Variants in NFS1 observed in about 807,000 individuals in gnomAD.
NFS1 encodes NFS1 cysteine desulfurase.
In NFS1, 26 loss-of-function variants were observed where a neutral mutation model predicts 57.3. The ratio of observed to expected loss-of-function variants is 0.45; its 90% CI spans 0.33 to 0.63. NFS1 has a LOEUF of 0.63. NFS1 is among the 20% of genes least tolerant of loss of function. The pLI is 0.02. For synonymous variants in NFS1, 209 were observed against 216.3 expected (o/e 0.97, Z 0.30); for missense variants, 505 against 605.8 (o/e 0.83, Z 1.75).
At chr20:35,675,240 GAA>G in intron 7 of NFS1, 38 bp from the exon 8 acceptor site, 1 of 1,545,720 alleles carries the variant, frequency 6.5e-7, no homozygotes, top group Non-Finnish European at 8.8e-7. Flanking sequence ...CAGAAAGAGA[GAA>G]AAGTAGATAA....
chr20:35,674,951 C>T (rs1337104655), intron 8 of NFS1, 94 bp downstream of exon 8: 3 of 1,536,042 alleles, frequency 2.0e-6, no homozygotes, highest in Non-Finnish European at 2.7e-6. Context: ...CCCTCTCTCC[C>T]TGCAGAGATC....
intron 5 of NFS1, among the ~76,000 whole-genome samples, chr20:35,687,029 G>C (rs1036723725): frequency 6.6e-6 from 1 of 152,222 alleles, no homozygotes; most frequent in African/African-American, 2.4e-5. Flanking sequence ...GGCCACCAGA[G>C]GGCTCCTTGG....
At chr20:35,671,262 G>C (rs1182995247) in intron 12 of NFS1, among the ~76,000 whole-genome samples, 1 of 152,116 alleles carries the variant, frequency 6.6e-6, no homozygotes, top group Non-Finnish European at 1.5e-5. Context: ...CACCATGCCA[G>C]GCTAATTTTT....
chr20:35,685,286 G>A (rs933365175), intron 5 of NFS1, among the ~76,000 whole-genome samples: 1 of 150,628 alleles, frequency 6.6e-6, no homozygotes, highest in African/African-American at 2.5e-5. Context: ...GGCTGAGGTG[G>A]GAGGATCATT....
chr20:35,676,863 CT>C lies in NFS1; in HGVS notation c.791-1662del, dbSNP rs1171229720. On this transcript the variant is annotated intron_variant, in intron 7 of 12. Coordinates refer to ENST00000374092, the MANE Select transcript of NFS1 (RefSeq NM_021100.5). ...GTGAGAGGCAGACTTTTGTCTGTGCCTTTTTTTTCCCTTTTTTTTTGAGACA... is the reference window on the plus strand; with the variant it reads ...GTGAGAGGCAGACTTTTGTCTGTGCCTTTTTTTCCCTTTTTTTTTGAGACA... Among the ~76,000 whole-genome samples, 6 of 149,664 alleles carry C rather than the reference CT, an allele frequency of 4.0e-5. No individual in the cohort carries two copies. In the East Asian group the frequency reaches 7.8e-4, roughly 20 times the overall value.
At chr20:35,693,318 G>T (rs1455784973) in intron 4 of NFS1, among the ~76,000 whole-genome samples, 1 of 151,866 alleles carries the variant, frequency 6.6e-6, no homozygotes, top group South Asian at 2.1e-4. Flanking sequence ...GGATGGTCTC[G>T]AACTCCTGAG....
At chr20:35,681,383 A>G (rs1439878701) in intron 6 of NFS1, among the ~76,000 whole-genome samples, 6 of 152,208 alleles carry the variant, frequency 3.9e-5, no homozygotes, top group Admixed American at 1.3e-4. Context: ...AGCAACTGCA[A>G]TAAAATTAAA....
At chr20:35,696,789 T>G (rs1223397702) in intron 3 of NFS1, among the ~76,000 whole-genome samples, 3 of 152,044 alleles carry the variant, frequency 2.0e-5, no homozygotes, top group Non-Finnish European at 4.4e-5. Flanking sequence ...GCCAACATGG[T>G]GAAACTCCAT....
chr20:35,682,314 T>G (rs907736736), intron 5 of NFS1, among the ~76,000 whole-genome samples: 2 of 152,220 alleles, frequency 1.3e-5, no homozygotes, highest in Admixed American at 1.3e-4. Flanking sequence ...TCACAAAACA[T>G]CTTACACAAA....
At chr20:35,673,270 A>C (rs2034686770) in intron 11 of NFS1, among the ~76,000 whole-genome samples, 1 of 151,166 alleles carries the variant, frequency 6.6e-6, no homozygotes, top group South Asian at 2.1e-4. Context: ...CCTGGGCGAC[A>C]GAGTAAGACT....
chr20:35,690,274 C>CTGCCAGGCTTATTTCTCTA, intron 5 of NFS1, 139 bp downstream of exon 5: 1 of 802,650 alleles, frequency 1.2e-6, no homozygotes, highest in South Asian at 1.7e-5. Flanking sequence ...ATCTCGTTCT[C>CTGCCAGGCTTATTTCTCTA]TGCCAGGCTT....
At chr20:35,676,758 G>GAAAAAAAAAAAAAAAAAAAAAAAAAAAA (rs746820595) in intron 7 of NFS1, among the ~76,000 whole-genome samples, 1 of 18,136 alleles carries the variant, frequency 5.5e-5, no homozygotes, top group Non-Finnish European at 9.2e-5. Context: ...GAGAAAATCA[G>GAAAAAAAAAAAAAAAAAAAAAAAAAAAA]AAAAAAAAAA....
Position 35,675,102 on chromosome 20 carries a change from G to A in NFS1, c.891C>T (p.Pro297=). 3.7e-6 allele frequency: 6 copies of A among 1,614,046 alleles called. No homozygotes were observed. Among genetic ancestry groups the A allele is most frequent in the African/African-American group, 1.3e-5 (1 of 75,034 alleles). ...QERGMRSGTV[P]TPLVVGLGAA... Reference sequence around the variant, plus strand: ...CCCCCAGCCCCACCACTAAGGGTGTGGGCACTGTCCCAGACCGCATACCCC... The same window carrying A: ...CCCCCAGCCCCACCACTAAGGGTGTAGGCACTGTCCCAGACCGCATACCCC... Residue 297 remains proline (P), a synonymous_variant, in exon 8 of 13, where the codon CCC becomes CCT. Transcript: ENST00000374092.
At chr20:35,698,431 G>A (rs2035179005) in intron 2 of NFS1, 50 bp downstream of exon 2, 2 of 1,305,976 alleles carry the variant, frequency 1.5e-6, no homozygotes, top group Non-Finnish European at 2.2e-6. Context: ...GCGTGATCAC[G>A]CCCATCATTT....
At chr20:35,687,635 GTCTTT>G (rs1039363510) in intron 5 of NFS1, among the ~76,000 whole-genome samples, 10 of 152,262 alleles carry the variant, frequency 6.6e-5, no homozygotes, top group East Asian at 1.9e-4. Context: ...GGGCCCAGCT[GTCTTT>G]TCTTTTATCT....
chr20:35,697,902 C>A, intron 2 of NFS1, 102 bp from the exon 3 acceptor site: 1 of 715,176 alleles, frequency 1.4e-6, no homozygotes, highest in East Asian at 2.6e-5. Context: ...ACTCTCAACC[C>A]CTCAGGCACT....
chr20:35,680,748 T>C lies in NFS1; in HGVS notation c.779A>G (p.Tyr260Cys). 1 of 1,554,848 alleles carries C rather than the reference T, an allele frequency of 6.4e-7. No individual in the cohort carries two copies. Among genetic ancestry groups the C allele is most frequent in the African/African-American group, 1.4e-5 (1 of 72,072 alleles). Residue 260 changes from tyrosine to cysteine, a missense_variant, in exon 7 of 13, where the codon TAC becomes TGC. Tyr to Cys is a radical substitution (Grantham distance 194). Transcript: ENST00000374092. ...DLMSISGHKI[Y>C]GPKGVGAIYI... ...GAAGGGGCTGGTACCTTTGGGACCGTAGATTTTGTGACCACTAATGCTCAT... is the reference window on the plus strand; with the variant it reads ...GAAGGGGCTGGTACCTTTGGGACCGCAGATTTTGTGACCACTAATGCTCAT...
At chr20:35,677,643 CA>C (rs2034776607) in intron 7 of NFS1, among the ~76,000 whole-genome samples, 1 of 152,208 alleles carries the variant, frequency 6.6e-6, no homozygotes, top group Admixed American at 6.5e-5. Flanking sequence ...AGTTATTCAC[CA>C]AGTAATCAGG....
Position 35,669,202 on chromosome 20 carries a change from T to G in NFS1, c.*420A>C, listed in dbSNP as rs2034612001. On this transcript the variant is annotated 3_prime_UTR_variant, in exon 13 of 13. Coordinates refer to ENST00000374092, the MANE Select transcript of NFS1 (RefSeq NM_021100.5). ...ACAGAAAATATTACATTGAAGTGGATTATGCTTGCTGTTAAAGAAGCTGGT... is the reference window on the plus strand; with the variant it reads ...ACAGAAAATATTACATTGAAGTGGAGTATGCTTGCTGTTAAAGAAGCTGGT... The G allele has an allele frequency of 6.2e-6, 1 of 160,598 alleles. No individual in the cohort carries two copies. The highest frequency in any genetic ancestry group is 2.4e-5 in the African/African-American group (1 of 41,718). 9.9% of individuals were successfully genotyped at this position (160,598 alleles called of 1,614,324 possible).
Sources: gnomAD v4.1 joint callset for allele counts (sites outside exome capture counted in the v4.1 genomes callset) on GRCh38, gnomAD v4.1.1 for gene constraint, MANE v1.5 for transcripts, NCBI Gene and HGNC (gene_info 2026-07-23, HGNC 2026-07-21) for gene names.